The following TRMT61B variants were observed in gnomAD, a reference collection of about 807,000 sequenced individuals.
TRMT61B encodes tRNA methyltransferase 61B.
A neutral mutation model predicts 52.0 loss-of-function variants in TRMT61B; 56 were observed. The observed-to-expected ratio is 1.08, with a 90% CI of 0.87 to 1.35. TRMT61B has a LOEUF of 1.35. Among genes scored for constraint, TRMT61B ranks in the 40% most tolerant of loss-of-function variants. The probability of loss-of-function intolerance (pLI) is 0.00; values close to 1 mark genes in which losing one functional copy is unlikely to be tolerated. For synonymous variants in TRMT61B, 206 were observed against 220.0 expected, an observed-to-expected ratio of 0.94 and a Z score of 0.56; for missense variants, 650 against 577.9, an observed-to-expected ratio of 1.12 and a Z score of -1.28.
intron 5 of TRMT61B, chr2:28,850,673 G>A: frequency 2.7e-6 from 1 of 374,768 alleles, no homozygotes; most frequent in Non-Finnish European, 4.7e-6. Flanking sequence ...TAAATAATGT[G>A]TATATATGAC....
In TRMT61B at chr2:28,862,365, C is replaced by T. The variant is rs1669644697; in HGVS notation, c.803-1057G>A. ...TTTTTTTTTTTGAGACAAGATCTCA[C>T]TCTGTCACGCAGGTTGGAGTGCGGT... On this transcript the variant is annotated intron_variant, in intron 2 of 6. Transcript: ENST00000306108. Among the ~76,000 whole-genome samples the T allele has an allele frequency of 4.0e-5, 5 of 125,554 alleles. No homozygotes were observed. The South Asian group carries it at 1.4e-3, about 36-fold the overall frequency. 82.4% of individuals were successfully genotyped at this position (125,554 alleles called of 152,430 possible). A position where few individuals can be genotyped will look rare whatever the true frequency, so the allele number is the denominator to read the frequency against.
intron 1 of TRMT61B, among the ~76,000 whole-genome samples, chr2:28,867,945 A>G (rs1373146676): frequency 6.6e-6 from 1 of 152,054 alleles, no homozygotes; most frequent in African/African-American, 2.4e-5. Flanking sequence ...CCAGCTACTC[A>G]GGAGGTTGAG....
In TRMT61B at chr2:28,850,389, A is replaced by G. The variant is rs530869981; in HGVS notation, c.1329T>C (p.Asp443=). Residue 443 remains aspartate, a synonymous_variant, in exon 6 of 7, where the codon GAT becomes GAC. Coordinates refer to ENST00000306108, the MANE Select transcript of TRMT61B (RefSeq NM_017910.4). Reference sequence around the variant, plus strand: ...CATAGGGAAATGATCCATATGGAAAATCAGAATGCGATTCTTCTGTTGTAA... The same window carrying G: ...CATAGGGAAATGATCCATATGGAAAGTCAGAATGCGATTCTTCTGTTGTAA... ...QEDDHEESHS[D]FPYGSFPYVA... The G allele has an allele frequency of 1.9e-6, 3 of 1,607,112 alleles. No individual in the cohort carries two copies. The African/African-American group carries it at 4.0e-5, about 21-fold the overall frequency.
chr2:28,852,864 T>C (rs958510180), intron 3 of TRMT61B, among the ~76,000 whole-genome samples: 1 of 151,400 alleles, frequency 6.6e-6, no homozygotes. Flanking sequence ...GAAGCTGAGG[T>C]GGGAGGGTCA....
intron 2 of TRMT61B, among the ~76,000 whole-genome samples, chr2:28,862,387 C>T (rs1291229382): frequency 3.0e-5 from 4 of 132,054 alleles, no homozygotes; most frequent in Admixed American, 8.3e-5. Flanking sequence ...GGTTGGAGTG[C>T]GGTGGTGCAA....
intron 2 of TRMT61B, among the ~76,000 whole-genome samples, chr2:28,864,736 C>T (rs2148147089): frequency 6.6e-6 from 1 of 151,740 alleles, no homozygotes; most frequent in East Asian, 1.9e-4. Flanking sequence ...TTTCTGTAGC[C>T]ATATTATATT....
At position 28,870,092 on chromosome 2, in the gene TRMT61B, T is replaced by G; in HGVS notation, c.186A>C (p.Pro62=). 1.2e-6 allele frequency: 2 copies of G among 1,614,050 alleles called. No homozygotes were observed. The highest frequency in any genetic ancestry group is 1.7e-6 in the Non-Finnish European group (2 of 1,180,006). The change falls in exon 1 of 7, where the codon CCA becomes CCC. Residue 62 remains proline, a synonymous_variant. Transcript: ENST00000306108. ...REHEAAQRKA[P]GAESCPSLPL... is the part of the protein sequence containing the mutation. ...GGAGAGATGGGCAAGACTCTGCTCC[T>G]GGGGCTTTCCTTTGTGCCGCCTCGT...
At chr2:28,855,796 C>G (rs940839295) in intron 3 of TRMT61B, among the ~76,000 whole-genome samples, 1 of 152,142 alleles carries the variant, frequency 6.6e-6, no homozygotes, top group South Asian at 2.1e-4. Context: ...TGGTGAAACC[C>G]TGTCTCTACT....
chr2:28,852,394 GTTATA>G lies in TRMT61B; in HGVS notation c.1085+9_1085+13del, dbSNP rs770925591. The G allele has an allele frequency of 4.2e-5, 61 of 1,464,282 alleles. No homozygotes were observed. The highest frequency in any genetic ancestry group is 5.6e-5 in the Non-Finnish European group (60 of 1,067,448). 90.7% of individuals were successfully genotyped at this position (1,464,282 alleles called of 1,614,324 possible). A position where few individuals can be genotyped will look rare whatever the true frequency, so the allele number is the denominator to read the frequency against. Reference sequence around the variant, plus strand: ...AAAAGTTACATTACAAAGAAAAACAGTTATATTACTCACTTTACTACATATACAGC... The same window carrying G: ...AAAAGTTACATTACAAAGAAAAACAGTTACTCACTTTACTACATATACAGC... On this transcript the variant is annotated intron_variant, in intron 4 of 6. Transcript: ENST00000306108.
chr2:28,865,268 G>A, intron 1 of TRMT61B, 149 bp from the exon 2 acceptor site: 1 of 547,644 alleles, frequency 1.8e-6, no homozygotes, highest in Non-Finnish European at 3.3e-6. Context: ...TTCACTTGAT[G>A]AAATAAAAGA....
intron 4 of TRMT61B, among the ~76,000 whole-genome samples, chr2:28,851,506 C>T (rs1051418111): frequency 1.3e-5 from 2 of 152,174 alleles, no homozygotes; most frequent in African/African-American, 4.8e-5. Context: ...TTACTGTTCA[C>T]ATTATACTTT....
chr2:28,852,312 C>CAA (rs575953261), intron 4 of TRMT61B, 96 bp downstream of exon 4: 975 of 299,178 alleles, frequency 3.3e-3, no homozygotes, highest in East Asian at 0.011. Context: ...TTTTCTGTCT[C>CAA]AAAAAAAAAA....
Position 28,868,756 on chromosome 2 carries a change from T to G in TRMT61B, c.699+823A>C, listed in dbSNP as rs1037927672. Among the ~76,000 whole-genome samples, 4 of 152,230 alleles carry G rather than the reference T, an allele frequency of 2.6e-5. No individual in the cohort carries two copies. In the South Asian group the frequency reaches 8.3e-4, roughly 32 times the overall value. Reference sequence around the variant, plus strand: ...AGGGCTGGGCGCGGTGGCTCCCGCCTGTAATCCCAGCACTGGGAGGCCGAG... The same window carrying G: ...AGGGCTGGGCGCGGTGGCTCCCGCCGGTAATCCCAGCACTGGGAGGCCGAG... On this transcript the variant is annotated intron_variant, in intron 1 of 6. Transcript: ENST00000306108.
At chr2:28,862,613 G>A (rs1180512289) in intron 2 of TRMT61B, among the ~76,000 whole-genome samples, 10 of 151,532 alleles carry the variant, frequency 6.6e-5, no homozygotes, top group East Asian at 3.9e-4. Context: ...GATTACAGAC[G>A]TGAGCCACCA....
At chr2:28,855,598 G>A (rs530281799) in intron 3 of TRMT61B, among the ~76,000 whole-genome samples, 66 of 152,318 alleles carry the variant, frequency 4.3e-4, no homozygotes, top group African/African-American at 1.2e-3. Context: ...TGAGGAAAAT[G>A]ATGAAGATTA....
chr2:28,865,124 G>T lies in TRMT61B; in HGVS notation c.700-5C>A. On this transcript the variant is annotated splice_polypyrimidine_tract_variant and splice_region_variant and intron_variant, in intron 1 of 6. Coordinates refer to ENST00000306108, the MANE Select transcript of TRMT61B (RefSeq NM_017910.4). ...TGAGAGAATCATATTAATATCCTAT[G>T]ATTGAAAACAGTATGGGTGACTCAG... 2 of 1,546,156 alleles carry T rather than the reference G, an allele frequency of 1.3e-6. No individual in the cohort carries two copies. Among genetic ancestry groups the T allele is most frequent in the Non-Finnish European group, 1.8e-6 (2 of 1,119,032 alleles).
At position 28,867,071 on chromosome 2, in the gene TRMT61B, T is replaced by C. The variant is rs1157030386; in HGVS notation, c.700-1952A>G. 2.0e-5 allele frequency among the ~76,000 whole-genome samples: 3 copies of C among 152,062 alleles called. No homozygotes were observed. In the East Asian group the frequency reaches 5.8e-4, roughly 29 times the overall value. On this transcript the variant is annotated intron_variant, in intron 1 of 6. Coordinates refer to ENST00000306108, the MANE Select transcript of TRMT61B (RefSeq NM_017910.4). ...GCCTTGGCCTCACAAAGCACTGAGA[T>C]TACAGGTGTGAGTGACGGCACCTGC...
intron 3 of TRMT61B, among the ~76,000 whole-genome samples, chr2:28,853,296 C>T (rs1194974894): frequency 1.3e-5 from 2 of 152,032 alleles, no homozygotes. Context: ...CCACCTCAGC[C>T]TCTCGAGTAG....
intron 3 of TRMT61B, among the ~76,000 whole-genome samples, chr2:28,854,545 G>A (rs982140645): frequency 1.3e-5 from 2 of 151,998 alleles, no homozygotes; most frequent in Non-Finnish European, 2.9e-5. Flanking sequence ...TTCAAGACCA[G>A]CCTGGCCAAC....
Sources: gnomAD v4.1 joint callset for allele counts (sites outside exome capture counted in the v4.1 genomes callset) on GRCh38, gnomAD v4.1.1 for gene constraint, MANE v1.5 for transcripts, NCBI Gene and HGNC (gene_info 2026-07-23, HGNC 2026-07-21) for gene names.